Variants in CDH8 observed in about 807,000 individuals in gnomAD.
CDH8 encodes the protein cadherin 8.
CDH8 carries 17 observed loss-of-function variants against 68.1 expected under a neutral mutation model. That is an observed-to-expected ratio of 0.25 (90% CI 0.17 to 0.37). The LOEUF (loss-of-function observed/expected upper bound fraction) is 0.37, where lower values mean the gene tolerates loss of function less well. Ranked by LOEUF, CDH8 falls within the 10% of genes least tolerant of loss-of-function variation. The pLI is 1.00. For synonymous variants in CDH8, 372 were observed against 365.1 expected, an observed-to-expected ratio of 1.02 and a Z score of -0.21; for missense variants, 763 against 999.3, an observed-to-expected ratio of 0.76 and a Z score of 3.19.
chr16:61,910,729 G>A lies in CDH8; in HGVS notation c.253-9256C>T, dbSNP rs373558540. 3.7e-4 allele frequency among the ~76,000 whole-genome samples: 56 copies of A among 152,192 alleles called. No individual in the cohort carries two copies. In the South Asian group the frequency reaches 0.012, roughly 32 times the overall value. On this transcript the variant is annotated intron_variant, in intron 2 of 11. Coordinates refer to ENST00000577390, the MANE Select transcript of CDH8 (RefSeq NM_001796.5). ...AAGGCATATAGGGTGGACTCTTATG[G>A]GGATTAAATTTAGGAAATATAATGA... is the stretch of plus-strand genomic sequence containing the variant.
chr16:61,921,835 GC>G (rs1964373211), intron 2 of CDH8, among the ~76,000 whole-genome samples: 1 of 152,082 alleles, frequency 6.6e-6, no homozygotes, highest in Admixed American at 6.6e-5. Context: ...TTCAAGACCA[GC>G]CTTGCCAACA....
At chr16:61,965,487 T>G (rs565781398) in intron 2 of CDH8, among the ~76,000 whole-genome samples, 1 of 152,242 alleles carries the variant, frequency 6.6e-6, no homozygotes, top group East Asian at 1.9e-4. Context: ...AGGTTCACAA[T>G]AGCAAAGTCC....
At chr16:61,713,157 T>A (rs1964662306) in intron 10 of CDH8, among the ~76,000 whole-genome samples, 1 of 151,612 alleles carries the variant, frequency 6.6e-6, no homozygotes, top group Non-Finnish European at 1.5e-5. Context: ...AAATAAAAAT[T>A]TTCAAATGAG....
chr16:62,011,349 G>A (rs1463875827), intron 2 of CDH8, among the ~76,000 whole-genome samples: 1 of 152,138 alleles, frequency 6.6e-6, no homozygotes, highest in Non-Finnish European at 1.5e-5. Flanking sequence ...GGGTGCACAC[G>A]CAGGCAGTTG....
chr16:61,832,609 A>T (rs988016354), intron 4 of CDH8, among the ~76,000 whole-genome samples: 1 of 151,634 alleles, frequency 6.6e-6, no homozygotes, highest in Non-Finnish European at 1.5e-5. Flanking sequence ...AAAATCATAA[A>T]TTTTATTTTC....
intron 2 of CDH8, among the ~76,000 whole-genome samples, chr16:61,967,289 A>G (rs1488259393): frequency 6.6e-6 from 1 of 152,220 alleles, no homozygotes; most frequent in East Asian, 1.9e-4. Context: ...ACATGCCAAC[A>G]TATCCCATGT....
chr16:61,831,334 C>T (rs1567490803), intron 4 of CDH8, among the ~76,000 whole-genome samples: 1 of 151,740 alleles, frequency 6.6e-6, no homozygotes, highest in East Asian at 1.9e-4. Flanking sequence ...AAAGGAGGAT[C>T]ATCTTGTTTA....
chr16:61,789,069 C>A (rs923414724), intron 8 of CDH8, among the ~76,000 whole-genome samples: 4 of 151,940 alleles, frequency 2.6e-5, no homozygotes, highest in African/African-American at 9.7e-5. Flanking sequence ...TATACTAAAT[C>A]TTTTCCTCTT....
At chr16:62,001,408 G>A (rs935642294) in intron 2 of CDH8, among the ~76,000 whole-genome samples, 2 of 152,054 alleles carry the variant, frequency 1.3e-5, no homozygotes, top group Admixed American at 6.6e-5. Flanking sequence ...ACAGGAGACC[G>A]GCCCTTCAGT....
intron 8 of CDH8, among the ~76,000 whole-genome samples, chr16:61,755,877 A>T (rs1045042406): frequency 6.6e-6 from 1 of 151,246 alleles, no homozygotes; most frequent in African/African-American, 2.4e-5. Flanking sequence ...CTGGAGTGCA[A>T]TGGTTCAATC....
At chr16:61,758,662 A>G (rs1960383623) in intron 8 of CDH8, among the ~76,000 whole-genome samples, 1 of 152,094 alleles carries the variant, frequency 6.6e-6, no homozygotes, top group Non-Finnish European at 1.5e-5. Context: ...TGAACTCCTG[A>G]CCTCAAGTGA....
intron 2 of CDH8, among the ~76,000 whole-genome samples, chr16:61,904,055 G>T (rs1411196927): frequency 6.6e-6 from 1 of 151,924 alleles, no homozygotes; most frequent in African/African-American, 2.4e-5. Context: ...GATAATCTCA[G>T]AACACAATAT....
At chr16:62,026,708 C>T (rs186263165) in intron 1 of CDH8, among the ~76,000 whole-genome samples, 1 of 152,314 alleles carries the variant, frequency 6.6e-6, no homozygotes, top group East Asian at 1.9e-4. Flanking sequence ...TGTTCACAGG[C>T]ACATGCATGC....
chr16:61,846,713 G>A (rs886683721), intron 4 of CDH8, among the ~76,000 whole-genome samples: 25 of 151,994 alleles, frequency 1.6e-4, no homozygotes, highest in African/African-American at 5.8e-4. Flanking sequence ...ACTTCACATA[G>A]TTACTAAGAA....
intron 10 of CDH8, among the ~76,000 whole-genome samples, chr16:61,656,624 G>A (rs1033085563): frequency 3.3e-5 from 5 of 152,152 alleles, no homozygotes; most frequent in African/African-American, 1.2e-4. Context: ...CTGTAGAGAA[G>A]ATCTATAGTG....
intron 9 of CDH8, among the ~76,000 whole-genome samples, chr16:61,724,970 G>A (rs988793580): frequency 2.0e-5 from 3 of 150,838 alleles, no homozygotes; most frequent in African/African-American, 7.3e-5. Context: ...AGGATTCAAA[G>A]AGTTCAAGAA....
intron 1 of CDH8, chr16:62,032,028 T>C (rs1902339294): frequency 6.6e-6 from 1 of 152,178 alleles, no homozygotes; most frequent in Non-Finnish European, 1.5e-5. Flanking sequence ...AAGAATGAAT[T>C]GAGAAAGCAC....
chr16:61,693,100 C>T (rs1964263211), intron 10 of CDH8: 1 of 152,096 alleles, frequency 6.6e-6, no homozygotes, highest in African/African-American at 2.4e-5. Flanking sequence ...AGACAGAGAG[C>T]TAAAACAAAA....
intron 2 of CDH8, among the ~76,000 whole-genome samples, chr16:61,986,522 A>C (rs1307196072): frequency 1.3e-5 from 2 of 152,176 alleles, no homozygotes; most frequent in Non-Finnish European, 2.9e-5. Flanking sequence ...TATGCCAAGA[A>C]AGGAAGAATG....
Sources: gnomAD v4.1 joint callset for allele counts (sites outside exome capture counted in the v4.1 genomes callset) on GRCh38, gnomAD v4.1.1 for gene constraint, MANE v1.5 for transcripts, NCBI Gene and HGNC (gene_info 2026-07-23, HGNC 2026-07-21) for gene names.